The following LPP variants were observed in gnomAD, a reference collection of about 807,000 sequenced individuals.
The protein encoded by LPP is LIM domain containing preferred translocation partner in lipoma.
LPP carries 38 observed loss-of-function variants against 60.4 expected under a neutral mutation model. That is an observed-to-expected ratio of 0.63 (90% CI 0.49 to 0.83). The LOEUF (loss-of-function observed/expected upper bound fraction) is 0.83, where lower values mean the gene tolerates loss of function less well. LPP is among the 40% of genes least tolerant of loss of function. The pLI is 0.00. For missense variants in LPP, 902 were observed against 783.6 expected (o/e 1.15, Z -1.80); for synonymous variants, 328 against 290.8 (o/e 1.13, Z -1.30).
intron 2 of LPP, among the ~76,000 whole-genome samples, chr3:188,295,190 T>G (rs760378884): frequency 6.6e-6 from 1 of 152,194 alleles, no homozygotes; most frequent in Non-Finnish European, 1.5e-5. Flanking sequence ...TCACATGAAC[T>G]CCAATTAAAC....
At chr3:188,324,874 G>C (rs1372218017) in intron 2 of LPP, among the ~76,000 whole-genome samples, 3 of 152,180 alleles carry the variant, frequency 2.0e-5, no homozygotes, top group African/African-American at 4.8e-5. Context: ...TTATCTGGGT[G>C]TAACCAACCC....
At chr3:188,421,520 G>C (rs1458623564) in intron 4 of LPP, among the ~76,000 whole-genome samples, 1 of 152,128 alleles carries the variant, frequency 6.6e-6, no homozygotes, top group Non-Finnish European at 1.5e-5. Flanking sequence ...ATTCAAGGAG[G>C]CCATTGCCTA....
At chr3:188,307,763 A>G (rs183295242) in intron 2 of LPP, among the ~76,000 whole-genome samples, 2 of 152,330 alleles carry the variant, frequency 1.3e-5, no homozygotes, top group East Asian at 3.9e-4. Flanking sequence ...TCTTAGTCCT[A>G]TGAGATAAGC....
intron 2 of LPP, among the ~76,000 whole-genome samples, chr3:188,333,055 C>G (rs1760590701): frequency 6.6e-6 from 1 of 152,102 alleles, no homozygotes; most frequent in Admixed American, 6.6e-5. Flanking sequence ...ATTAATTTTT[C>G]TATATTTCCA....
intron 2 of LPP, among the ~76,000 whole-genome samples, chr3:188,236,189 A>G (rs1030543391): frequency 6.6e-6 from 1 of 152,340 alleles, no homozygotes; most frequent in East Asian, 1.9e-4. Context: ...TTTAATGGCA[A>G]AAGCCGCAAT....
intron 9 of LPP, among the ~76,000 whole-genome samples, chr3:188,827,279 G>T (rs1227006536): frequency 6.6e-6 from 1 of 152,112 alleles, no homozygotes; most frequent in Non-Finnish European, 1.5e-5. Flanking sequence ...AACACCACAT[G>T]TTCTTTTGAA....
At chr3:188,358,483 G>T (rs1768252852) in intron 3 of LPP, among the ~76,000 whole-genome samples, 1 of 152,172 alleles carries the variant, frequency 6.6e-6, no homozygotes, top group Non-Finnish European at 1.5e-5. Context: ...GTTCAGAGAA[G>T]AAAAAAGAAC....
At chr3:188,804,654 A>G (rs899740989) in intron 9 of LPP, among the ~76,000 whole-genome samples, 2 of 152,040 alleles carry the variant, frequency 1.3e-5, no homozygotes, top group African/African-American at 2.4e-5. Context: ...GTGAGTAGAA[A>G]CAGTTTCATT....
At position 188,290,841 on chromosome 3, in the gene LPP, GGT is replaced by G. The variant is rs562570568; in HGVS notation, c.-66-50821_-66-50820del. Among the ~76,000 whole-genome samples, 778 of 152,250 alleles carry G rather than the reference GGT, an allele frequency of 5.1e-3. 2 individuals are homozygous for G. Among genetic ancestry groups the G allele is most frequent in the South Asian group, 0.024 (118 of 4,824 alleles). On this transcript the variant is annotated intron_variant, in intron 2 of 11. Coordinates refer to ENST00000617246, the MANE Select transcript of LPP (RefSeq NM_001375462.1). ...ATTCACTGGTCAAAGGTGGCCTGCT[GGT>G]TGGTATTTTTTCTGTGTCTTCCGGG...
intron 4 of LPP, among the ~76,000 whole-genome samples, chr3:188,435,194 G>A (rs1792006558): frequency 6.6e-6 from 1 of 152,124 alleles, no homozygotes; most frequent in African/African-American, 2.4e-5. Context: ...TTGAGGGAAG[G>A]AAAATATTGA....
intron 2 of LPP, among the ~76,000 whole-genome samples, chr3:188,334,422 C>CTTT (rs71167095): frequency 7.3e-4 from 72 of 98,642 alleles, no homozygotes; most frequent in African/African-American, 1.2e-3. Context: ...ATATTTCTTT[C>CTTT]TTTTTTTTTT....
chr3:188,373,033 G>A (rs938148601), intron 3 of LPP, among the ~76,000 whole-genome samples: 4 of 33,132 alleles, frequency 1.2e-4, no homozygotes, highest in African/African-American at 1.7e-4. Flanking sequence ...CAAAGGACAT[G>A]AACTCATCAT....
chr3:188,205,913 A>G (rs1449911788), intron 1 of LPP, among the ~76,000 whole-genome samples: 1 of 152,148 alleles, frequency 6.6e-6, no homozygotes, highest in Non-Finnish European at 1.5e-5. Flanking sequence ...GCTTTTTCCT[A>G]TTTTGTAAGC....
intron 7 of LPP, among the ~76,000 whole-genome samples, chr3:188,680,224 A>G (rs779366715): frequency 6.6e-6 from 1 of 152,076 alleles, no homozygotes; most frequent in Non-Finnish European, 1.5e-5. Flanking sequence ...ATGACTTCAT[A>G]TGCTCTTACT....
At chr3:188,267,417 T>C (rs560958470) in intron 2 of LPP, among the ~76,000 whole-genome samples, 1 of 152,350 alleles carries the variant, frequency 6.6e-6, no homozygotes, top group African/African-American at 2.4e-5. Context: ...AGATGTTTCT[T>C]CTTCATGGAA....
chr3:188,470,670 A>G (rs1801627287), intron 4 of LPP, among the ~76,000 whole-genome samples: 1 of 152,062 alleles, frequency 6.6e-6, no homozygotes, highest in Non-Finnish European at 1.5e-5. Context: ...TCTGGTGGCA[A>G]AGGATAGTAG....
At chr3:188,253,032 C>T (rs1730443939) in intron 2 of LPP, among the ~76,000 whole-genome samples, 1 of 150,982 alleles carries the variant, frequency 6.6e-6, no homozygotes, top group African/African-American at 2.4e-5. Flanking sequence ...CTTGGCCTCC[C>T]AAAGTGCTGT....
intron 4 of LPP, among the ~76,000 whole-genome samples, chr3:188,425,443 A>C (rs765637914): frequency 6.6e-6 from 1 of 152,164 alleles, no homozygotes; most frequent in African/African-American, 2.4e-5. Context: ...TTTTGGTAGC[A>C]GGATGATGCT....
chr3:188,613,261 C>CTATATCTATAT (rs1553944171), intron 7 of LPP, among the ~76,000 whole-genome samples: 189 of 117,352 alleles, frequency 1.6e-3, no homozygotes, highest in East Asian at 0.015. Context: ...TATATCTATA[C>CTATATCTATAT]CTATATCTAT....
Sources: gnomAD v4.1 joint callset for allele counts (sites outside exome capture counted in the v4.1 genomes callset) on GRCh38, gnomAD v4.1.1 for gene constraint, MANE v1.5 for transcripts, NCBI Gene and HGNC (gene_info 2026-07-23, HGNC 2026-07-21) for gene names.